The following TBCA variants were observed in gnomAD, a reference collection of about 807,000 sequenced individuals.
The protein encoded by TBCA is tubulin-specific chaperone A.
In TBCA, 6 loss-of-function variants were observed where a neutral mutation model predicts 15.8. The ratio of observed to expected loss-of-function variants is 0.38; its 90% CI spans 0.21 to 0.75. The LOEUF is 0.75. TBCA is among the 30% of genes least tolerant of loss of function. TBCA has a pLI of 0.46. For missense variants in TBCA, 90 were observed against 131.2 expected, an observed-to-expected ratio of 0.69 and a Z score of 1.53; for synonymous variants, 32 against 42.3, an observed-to-expected ratio of 0.76 and a Z score of 0.94.
intron 1 of TBCA, among the ~76,000 whole-genome samples, chr5:77,722,636 C>T (rs1561270752): frequency 6.6e-6 from 1 of 151,854 alleles, no homozygotes; most frequent in African/African-American, 2.4e-5. Context: ...CAAACTAATT[C>T]GAGCACAGAA....
chr5:77,720,981 T>C (rs963932526), intron 1 of TBCA, among the ~76,000 whole-genome samples: 1 of 152,212 alleles, frequency 6.6e-6, no homozygotes, highest in Non-Finnish European at 1.5e-5. Context: ...GTGAAATAAA[T>C]AGTTGTTTGT....
At chr5:77,767,298 C>A (rs749732462) in intron 1 of TBCA, among the ~76,000 whole-genome samples, 6 of 151,794 alleles carry the variant, frequency 4.0e-5, no homozygotes, top group Non-Finnish European at 8.8e-5. Flanking sequence ...TACACACAAG[C>A]ACACACACAC....
At chr5:77,764,228 ATAG>A (rs1260177782) in intron 1 of TBCA, among the ~76,000 whole-genome samples, 5 of 152,248 alleles carry the variant, frequency 3.3e-5, no homozygotes, top group African/African-American at 9.6e-5. Context: ...AAGATTAAAA[ATAG>A]TAGTTACATC....
At chr5:77,708,158 A>T in intron 2 of TBCA, 84 bp downstream of exon 2, 1 of 857,022 alleles carries the variant, frequency 1.2e-6, no homozygotes, top group Non-Finnish European at 1.8e-6. Context: ...ATATAATCTC[A>T]GTCAGAGGAC....
intron 1 of TBCA, among the ~76,000 whole-genome samples, chr5:77,738,165 G>A (rs965944594): frequency 1.3e-5 from 2 of 152,034 alleles, no homozygotes; most frequent in Admixed American, 1.3e-4. Flanking sequence ...ACATTTAATG[G>A]GGCTTTTTAT....
chr5:77,758,236 AT>A lies in TBCA; in HGVS notation c.53+17968del, dbSNP rs1197380983. Reference sequence around the variant, plus strand: ...TTTAAGAAAAAAACAAGAAAGTGAAATCAAAGACAGGCGGCCTGGCACCAGG... The same window carrying A: ...TTTAAGAAAAAAACAAGAAAGTGAAACAAAGACAGGCGGCCTGGCACCAGG... On this transcript the variant is annotated intron_variant, in intron 1 of 3. Transcript: ENST00000380377. 7.9e-3 allele frequency among the ~76,000 whole-genome samples: 1,200 copies of A among 152,262 alleles called. 9 individuals are homozygous for A. The highest frequency in any genetic ancestry group is 0.017 in the Middle Eastern group (5 of 294).
chr5:77,754,380 A>G (rs973496431), intron 1 of TBCA, among the ~76,000 whole-genome samples: 2 of 152,244 alleles, frequency 1.3e-5, no homozygotes, highest in African/African-American at 2.4e-5. Flanking sequence ...TAATAAGAAT[A>G]TATTTTTTAG....
At chr5:77,775,468 G>A (rs1344931207) in intron 1 of TBCA, among the ~76,000 whole-genome samples, 2 of 152,100 alleles carry the variant, frequency 1.3e-5, no homozygotes, top group Admixed American at 6.5e-5. Context: ...TGCCCCAACC[G>A]CCTTGGGCAC....
intron 1 of TBCA, among the ~76,000 whole-genome samples, chr5:77,742,178 T>C (rs780015294): frequency 9.9e-5 from 15 of 152,192 alleles, no homozygotes; most frequent in South Asian, 2.1e-4. Flanking sequence ...ACTGGCATTA[T>C]ATAATACTTA....
intron 2 of TBCA, among the ~76,000 whole-genome samples, chr5:77,706,548 C>T (rs1050947878): frequency 6.6e-6 from 1 of 152,062 alleles, no homozygotes; most frequent in Non-Finnish European, 1.5e-5. Context: ...GGTGCGGTGG[C>T]TCACCCCTGT....
chr5:77,770,728 T>TAAA (rs200258634), intron 1 of TBCA, among the ~76,000 whole-genome samples: 1 of 132,480 alleles, frequency 7.5e-6, no homozygotes, highest in Non-Finnish European at 1.6e-5. Flanking sequence ...ATCCAAATCT[T>TAAA]AAAAAAAAAA....
At chr5:77,762,932 T>A (rs1422088337) in intron 1 of TBCA, among the ~76,000 whole-genome samples, 1 of 152,206 alleles carries the variant, frequency 6.6e-6, no homozygotes, top group Non-Finnish European at 1.5e-5. Flanking sequence ...TTGCTATTTA[T>A]CTTGGAGACG....
intron 1 of TBCA, among the ~76,000 whole-genome samples, chr5:77,754,641 T>C (rs1036372754): frequency 2.0e-5 from 3 of 152,222 alleles, no homozygotes; most frequent in African/African-American, 7.2e-5. Context: ...TAAGATTATA[T>C]ACAGGGTTAT....
At chr5:77,742,141 ATTTTGGATTT>A (rs1747051655) in intron 1 of TBCA, among the ~76,000 whole-genome samples, 1 of 152,142 alleles carries the variant, frequency 6.6e-6, no homozygotes, top group South Asian at 2.1e-4. Flanking sequence ...AATGCTTCTG[ATTTTGGATTT>A]TTTTGGATTT....
Position 77,738,473 on chromosome 5 carries a change from G to A in TBCA, c.54-30126C>T, listed in dbSNP as rs550684670. Among the ~76,000 whole-genome samples, 79 of 152,300 alleles carry A rather than the reference G, an allele frequency of 5.2e-4. 1 individual carries two copies. The highest frequency in any genetic ancestry group is 1.6e-3 in the African/African-American group (67 of 41,560). ...AAGTAAGTATAGTTCCTGTTCCAGC[G>A]CTGCAAACAAAACAAGCAGTCAGTA... On this transcript the variant is annotated intron_variant, in intron 1 of 3. Coordinates refer to ENST00000380377, the MANE Select transcript of TBCA (RefSeq NM_004607.3).
rs1747783614 is a variant in TBCA, at chr5:77,766,565, T to C, written c.53+9640A>G. ...CGTTCTGTCGCCCAGGCGGGAGTGC[T>C]GTGGCGCGATCTCCGCTCACTGCAA... On this transcript the variant is annotated intron_variant, in intron 1 of 3. Coordinates refer to ENST00000380377, the MANE Select transcript of TBCA (RefSeq NM_004607.3). 2.3e-5 allele frequency among the ~76,000 whole-genome samples: 2 copies of C among 87,682 alleles called. 1 individual carries two copies. The highest frequency in any genetic ancestry group is 7.2e-4 in the South Asian group (2 of 2,774). The allele number at this position is 87,682 out of a possible 152,430, so 57.5% of individuals were successfully genotyped here.
chr5:77,752,874 TA>T (rs1747383871), intron 1 of TBCA, among the ~76,000 whole-genome samples: 1 of 152,110 alleles, frequency 6.6e-6, no homozygotes, highest in Non-Finnish European at 1.5e-5. Flanking sequence ...TTATTTTTAA[TA>T]GAGACGGAGT....
chr5:77,769,525 A>G (rs1398761477), intron 1 of TBCA, among the ~76,000 whole-genome samples: 3 of 152,196 alleles, frequency 2.0e-5, no homozygotes, highest in African/African-American at 7.2e-5. Flanking sequence ...TATATATTGA[A>G]CTAATAGTGG....
At chr5:77,706,304 T>C (rs1432766548) in intron 2 of TBCA, among the ~76,000 whole-genome samples, 2 of 152,186 alleles carry the variant, frequency 1.3e-5, no homozygotes, top group Admixed American at 6.5e-5. Flanking sequence ...TTTAAATGCA[T>C]CTAACACTAG....
Sources: allele counts gnomAD v4.1 joint callset (sites outside exome capture counted in the v4.1 genomes callset), GRCh38; gene constraint gnomAD v4.1.1; transcripts MANE v1.5; gene names NCBI Gene and HGNC (gene_info 2026-07-23, HGNC 2026-07-21).